The following PLEKHH2 variants were observed in gnomAD, a reference collection of about 807,000 sequenced individuals.
The protein encoded by PLEKHH2 is pleckstrin homology, MyTH4 and FERM domain containing H2, also known as pleckstrin homology domain-containing family H member 2.
A neutral mutation model predicts 187.9 loss-of-function variants in PLEKHH2; 129 were observed. That is an observed-to-expected ratio of 0.69 (90% CI 0.59 to 0.79). The LOEUF (loss-of-function observed/expected upper bound fraction) is 0.79, where lower values mean the gene tolerates loss of function less well. Ranked by LOEUF, PLEKHH2 falls within the 30% of genes least tolerant of loss-of-function variation. The pLI, the probability that PLEKHH2 is intolerant of heterozygous loss-of-function variation, is 0.00. For synonymous variants in PLEKHH2, 686 were observed against 605.6 expected (o/e 1.13, Z -1.95); for missense variants, 2,076 against 1,751.2 (o/e 1.19, Z -3.31).
intron 1 of PLEKHH2, among the ~76,000 whole-genome samples, chr2:43,644,101 A>T (rs1253187284): frequency 6.6e-6 from 1 of 152,150 alleles, no homozygotes; most frequent in Non-Finnish European, 1.5e-5. Context: ...GGCTTGAAAG[A>T]CTTAACCTGG....
intron 19 of PLEKHH2, among the ~76,000 whole-genome samples, chr2:43,735,512 C>T (rs1358534475): frequency 2.0e-5 from 3 of 152,050 alleles, no homozygotes; most frequent in African/African-American, 7.2e-5. Context: ...TGTTCAACAG[C>T]ACAGTAGGGC....
intron 8 of PLEKHH2, 33 bp downstream of exon 8, chr2:43,700,641 G>T (rs1669317720): frequency 6.4e-7 from 1 of 1,559,340 alleles, no homozygotes; most frequent in Non-Finnish European, 8.6e-7. Context: ...CACATACGCA[G>T]TAGTTTTTTT....
rs1672537811 is a variant in PLEKHH2, at chr2:43,764,251, C to T, written c.4182C>T (p.Tyr1394=). ...AGAGGTTAATAGTCAGCTATGTGTA[C>T]AAGAGTCTAATGACCTTTGGAGGCT... ...NSMRLIVSYV[Y]KSLMTFGGYQ... The change falls in exon 29 of 30, where the codon TAC becomes TAT. Residue 1394 remains tyrosine, a synonymous_variant. Transcript: ENST00000282406. 2 of 1,552,054 alleles carry T rather than the reference C, an allele frequency of 1.3e-6. No individual in the cohort carries two copies. Among genetic ancestry groups the T allele is most frequent in the East Asian group, 2.3e-5 (1 of 43,610 alleles).
chr2:43,707,605 A>G (rs1669725961), intron 11 of PLEKHH2, 60 bp downstream of exon 11: 1 of 1,582,072 alleles, frequency 6.3e-7, no homozygotes, highest in African/African-American at 1.4e-5. Flanking sequence ...TTAATTGGGA[A>G]TTTTATCTCC....
At chr2:43,714,732 C>T (rs761049896) in intron 15 of PLEKHH2, among the ~76,000 whole-genome samples, 1 of 152,194 alleles carries the variant, frequency 6.6e-6, no homozygotes, top group Non-Finnish European at 1.5e-5. Flanking sequence ...TTACCACATG[C>T]AGCACAATGT....
chr2:43,686,966 T>TTC (rs893340874), intron 3 of PLEKHH2, among the ~76,000 whole-genome samples: 1 of 123,174 alleles, frequency 8.1e-6, no homozygotes, highest in Non-Finnish European at 1.6e-5. Context: ...ATGTCCCCCC[T>TTC]TCTCTCTATA....
chr2:43,640,998 G>T lies in PLEKHH2; in HGVS notation c.-4+3619G>T, dbSNP rs576546479. Among the ~76,000 whole-genome samples, 6 of 136,254 alleles carry T rather than the reference G, an allele frequency of 4.4e-5. No individual in the cohort carries two copies. In the East Asian group the frequency reaches 1.2e-3, roughly 28 times the overall value. The allele number at this position is 136,254 out of a possible 152,430, so 89.4% of individuals were successfully genotyped here. On this transcript the variant is annotated intron_variant, in intron 1 of 29. Transcript: ENST00000282406. ...AATAAAGACAGGGTTTTGCCACCTTGCCCAGGCTGGTCTCAAACTCATGAG... is the reference window on the plus strand; with the variant it reads ...AATAAAGACAGGGTTTTGCCACCTTTCCCAGGCTGGTCTCAAACTCATGAG...
intron 28 of PLEKHH2, 41 bp downstream of exon 28, chr2:43,762,431 T>G: frequency 7.0e-7 from 1 of 1,425,820 alleles, no homozygotes; most frequent in Non-Finnish European, 9.9e-7. Flanking sequence ...GTCAACTGTT[T>G]CCATTGCTCA....
At chr2:43,722,756 C>G (rs1670543483) in intron 16 of PLEKHH2, among the ~76,000 whole-genome samples, 2 of 152,030 alleles carry the variant, frequency 1.3e-5, no homozygotes, top group South Asian at 4.2e-4. Flanking sequence ...AAATCCTTTC[C>G]ATACTTACCA....
intron 27 of PLEKHH2, among the ~76,000 whole-genome samples, chr2:43,759,875 T>G (rs1043489665): frequency 6.6e-6 from 1 of 152,244 alleles, no homozygotes; most frequent in Non-Finnish European, 1.5e-5. Flanking sequence ...TTTCCTCATC[T>G]GTTAATGAAA....
intron 2 of PLEKHH2, among the ~76,000 whole-genome samples, chr2:43,648,769 G>A (rs1233907042): frequency 2.0e-5 from 3 of 149,034 alleles, no homozygotes; most frequent in South Asian, 2.1e-4. Context: ...GGGTAGAGAC[G>A]GGGTTTCACC....
intron 21 of PLEKHH2, among the ~76,000 whole-genome samples, chr2:43,741,623 A>G (rs1337354475): frequency 2.0e-5 from 3 of 152,252 alleles, no homozygotes; most frequent in Non-Finnish European, 2.9e-5. Context: ...ACTAAAGCAA[A>G]CACAGTAAAA....
rs1201729086 is a variant in PLEKHH2 at position 43,679,023 on chromosome 2, A to ATCT, written c.186+100_186+102dup. On this transcript the variant is annotated intron_variant, in intron 3 of 29. Coordinates refer to ENST00000282406, the MANE Select transcript of PLEKHH2 (RefSeq NM_172069.4). ...AAGACAATTATCAGCCCACCTCTACATCTTATCTTTTTGACTGTTCATAGC... is the reference window on the plus strand; with the variant it reads ...AAGACAATTATCAGCCCACCTCTACATCTTCTTATCTTTTTGACTGTTCATAGC... 5 of 733,748 alleles carry ATCT rather than the reference A, an allele frequency of 6.8e-6. No homozygotes were observed. The East Asian group carries it at 1.3e-4, about 19-fold the overall frequency. 45.5% of individuals were successfully genotyped at this position (733,748 alleles called of 1,614,324 possible).
chr2:43,679,796 A>G (rs924727012), intron 3 of PLEKHH2, among the ~76,000 whole-genome samples: 4 of 151,848 alleles, frequency 2.6e-5, no homozygotes, highest in Non-Finnish European at 2.9e-5. Flanking sequence ...GGCCCCCTAT[A>G]TTTTCATACT....
chr2:43,755,349 G>A (rs13431690), intron 25 of PLEKHH2, among the ~76,000 whole-genome samples: 2,767 of 152,144 alleles, frequency 0.018, 74 homozygotes, highest in African/African-American at 0.064. Flanking sequence ...CTGCGAATGT[G>A]AACTCTTAGG....
intron 23 of PLEKHH2, among the ~76,000 whole-genome samples, chr2:43,744,752 C>T (rs1239794519): frequency 2.0e-5 from 3 of 151,292 alleles, no homozygotes; most frequent in African/African-American, 7.3e-5. Flanking sequence ...CCTGTAGTCC[C>T]AGCTACTCTG....
At chr2:43,728,477 CAAAAAAAAAAAAAA>C (rs1042037842) in intron 17 of PLEKHH2, among the ~76,000 whole-genome samples, 4 of 56,052 alleles carry the variant, frequency 7.1e-5, no homozygotes, top group African/African-American at 2.6e-4. Context: ...GACTCTGTCT[CAAAAAAAAAAAAAA>C]AAAAGAAAGA....
chr2:43,750,815 A>G (rs536927232), intron 24 of PLEKHH2, among the ~76,000 whole-genome samples: 1 of 152,356 alleles, frequency 6.6e-6, no homozygotes, highest in Admixed American at 6.5e-5. Context: ...GCCATCTACC[A>G]GTGCCAAGAC....
chr2:43,761,639 G>T (rs936799658), intron 27 of PLEKHH2, among the ~76,000 whole-genome samples: 3 of 151,892 alleles, frequency 2.0e-5, no homozygotes, highest in Non-Finnish European at 4.4e-5. Flanking sequence ...TCGAACTCCT[G>T]GCCTCAGATG....
Sources: allele counts gnomAD v4.1 joint callset (sites outside exome capture counted in the v4.1 genomes callset), GRCh38; gene constraint gnomAD v4.1.1; transcripts MANE v1.5; gene names NCBI Gene and HGNC (gene_info 2026-07-23, HGNC 2026-07-21).